Variants in SSR3 observed in about 807,000 individuals in gnomAD.
The protein encoded by SSR3 is translocon-associated protein subunit gamma.
A neutral mutation model predicts 22.1 loss-of-function variants in SSR3; 10 were observed. The ratio of observed to expected loss-of-function variants is 0.45; its 90% CI spans 0.28 to 0.77. The LOEUF is 0.77. Among genes scored for constraint, SSR3 ranks in the 30% least tolerant of loss-of-function variants. SSR3 has a pLI of 0.13. For missense variants in SSR3, 181 were observed against 220.5 expected (o/e 0.82, Z 1.13); for synonymous variants, 104 against 82.5 (o/e 1.26, Z -1.42).
In SSR3 at chr3:156,539,609, A is replaced by G. The variant is rs1464101863; in HGVS notation, c.*3594T>C. ...GAAGGCCAACGAGAAGTTAGCCTCT[A>G]TCGCCCTGAAAATTTAAACCAACCC... On this transcript the variant is annotated 3_prime_UTR_variant, in exon 5 of 5. Transcript: ENST00000265044. 1.3e-5 allele frequency among the ~76,000 whole-genome samples: 2 copies of G among 152,110 alleles called. No homozygotes were observed. Among genetic ancestry groups the G allele is most frequent in the African/African-American group, 4.8e-5 (2 of 41,364 alleles).
chr3:156,555,071 A>T lies in SSR3; in HGVS notation c.19T>A (p.Ser7Thr). ...AGGTCCTCCTCAGACTGCTGTTTGGAGCTGCCTTTAGGAGCCATGGCGGAG... is the reference window on the plus strand; with the variant it reads ...AGGTCCTCCTCAGACTGCTGTTTGGTGCTGCCTTTAGGAGCCATGGCGGAG... MAPKGS[S>T]KQQSEEDLLL... Residue 7 changes from serine (S) to threonine (T), a missense_variant, in exon 1 of 5, where the codon TCC (serine) becomes ACC (threonine). Ser to Thr is a moderately conservative substitution (Grantham distance 58). Coordinates refer to ENST00000265044, the MANE Select transcript of SSR3 (RefSeq NM_007107.5). The T allele has an allele frequency of 6.2e-7, 1 of 1,613,806 alleles. No homozygotes were observed.
At chr3:156,548,353 T>G (rs1719833019) in intron 3 of SSR3, among the ~76,000 whole-genome samples, 1 of 152,156 alleles carries the variant, frequency 6.6e-6, no homozygotes, top group Non-Finnish European at 1.5e-5. Flanking sequence ...TACAGATAAC[T>G]AATTATGGGA....
At position 156,545,939 on chromosome 3, in the gene SSR3, G is replaced by A. The variant is rs370509433; in HGVS notation, c.360-1500C>T. 1.2e-4 allele frequency among the ~76,000 whole-genome samples: 18 copies of A among 152,224 alleles called. No homozygotes were observed. The East Asian group carries it at 2.7e-3, about 23-fold the overall frequency. On this transcript the variant is annotated intron_variant, in intron 3 of 4. Transcript: ENST00000265044. Reference sequence around the variant, plus strand: ...CAACTGCCTCCATTTTTAAGACTCCGGCATGAGACCCAGTGAAGTCAGGTT... The same window carrying A: ...CAACTGCCTCCATTTTTAAGACTCCAGCATGAGACCCAGTGAAGTCAGGTT...
rs1719855663 is a variant in SSR3 at position 156,548,963 on chromosome 3, TC to T, written c.300del (p.Thr101LeufsTer57). On this transcript the variant is annotated frameshift_variant, in exon 3 of 5. Coordinates refer to ENST00000265044, the MANE Select transcript of SSR3 (RefSeq NM_007107.5). LOFTEE classifies it high-confidence loss of function. ...TTATCAGCTTCAGAAAGTTTTCGAGTCACTTCTTTGGAAACAGCATCCTCCC... is the reference window on the plus strand; with the variant it reads ...TTATCAGCTTCAGAAAGTTTTCGAGTACTTCTTTGGAAACAGCATCCTCCC... The part of the protein sequence containing the change: ...QKREDAVSKE[V>X]TRKLSEADNR... 1.2e-6 allele frequency: 2 copies of T among 1,613,250 alleles called. No individual in the cohort carries two copies. Among genetic ancestry groups the T allele is most frequent in the Non-Finnish European group, 1.7e-6 (2 of 1,179,866 alleles).
chr3:156,547,311 C>T (rs1719801626), intron 3 of SSR3, among the ~76,000 whole-genome samples: 1 of 152,134 alleles, frequency 6.6e-6, no homozygotes, highest in Non-Finnish European at 1.5e-5. Flanking sequence ...CGAGACATAA[C>T]CCAGGATCAA....
chr3:156,544,404 T>A lies in SSR3; in HGVS notation c.395A>T (p.Glu132Val). 6.3e-7 allele frequency: 1 copy of A among 1,591,426 alleles called. No individual in the cohort carries two copies. The highest frequency in any genetic ancestry group is 1.3e-5 in the African/African-American group (1 of 74,232). Residue 132 changes from glutamate to valine, a missense_variant, in exon 4 of 5, where the codon GAA (glutamate) becomes GTA (valine). By Grantham distance (121) the Glu-to-Val change is moderately radical. Coordinates refer to ENST00000265044, the MANE Select transcript of SSR3 (RefSeq NM_007107.5). ...LWKKNEVADY[E>V]ATTFSIFYNN... is the part of the protein sequence containing the mutation. ...ATAGAAGATGGAAAATGTTGTAGCT[T>A]CATAATCAGCAACTTCATTCTTCTT...
intron 3 of SSR3, among the ~76,000 whole-genome samples, chr3:156,545,624 C>A (rs900680473): frequency 1.3e-5 from 2 of 152,196 alleles, no homozygotes; most frequent in Non-Finnish European, 2.9e-5. Context: ...ACATCTTATG[C>A]TCATCTTAAG....
At chr3:156,551,133 T>C (rs2108449521) in intron 2 of SSR3, among the ~76,000 whole-genome samples, 1 of 151,842 alleles carries the variant, frequency 6.6e-6, no homozygotes, top group East Asian at 1.9e-4. Flanking sequence ...AAGCCAAAAC[T>C]ATGACTTAAA....
chr3:156,548,659 A>G, intron 3 of SSR3: 1 of 494,256 alleles, frequency 2.0e-6, no homozygotes, highest in Non-Finnish European at 3.5e-6. Flanking sequence ...AAAAGGAGAT[A>G]AAAATAGTAC....
At chr3:156,549,717 T>C (rs10936028) in intron 2 of SSR3, among the ~76,000 whole-genome samples, 22 of 152,292 alleles carry the variant, frequency 1.4e-4, no homozygotes, top group African/African-American at 5.3e-4. Context: ...GTTTAGTCAG[T>C]TTCAAATAAT....
chr3:156,549,545 G>C (rs1443747907), intron 2 of SSR3, among the ~76,000 whole-genome samples: 3 of 152,180 alleles, frequency 2.0e-5, no homozygotes, highest in African/African-American at 7.2e-5. Flanking sequence ...GGTCATTCAA[G>C]GCAGGAGTTT....
chr3:156,544,294 C>T lies in SSR3; in HGVS notation c.491+14G>A. 6.6e-7 allele frequency: 1 copy of T among 1,517,266 alleles called. No individual in the cohort carries two copies. The highest frequency in any genetic ancestry group is 8.8e-7 in the Non-Finnish European group (1 of 1,133,412). The allele number at this position is 1,517,266 out of a possible 1,614,324, so 94.0% of individuals were successfully genotyped here. ...TTGACTTCTAAAAAAGATAATCAAC[C>T]TTGAAAAGGATACACTGTGGGGTTG... On this transcript the variant is annotated intron_variant, in intron 4 of 4. Coordinates refer to ENST00000265044, the MANE Select transcript of SSR3 (RefSeq NM_007107.5).
In SSR3 at chr3:156,542,230, T is replaced by G. The variant is rs1418162756; in HGVS notation, c.*973A>C. Reference sequence around the variant, plus strand: ...CCAAGGGCTAAAGAGATAAATATCTTGCTCACAATCAATGGGAACCTGTGA... The same window carrying G: ...CCAAGGGCTAAAGAGATAAATATCTGGCTCACAATCAATGGGAACCTGTGA... On this transcript the variant is annotated 3_prime_UTR_variant, in exon 5 of 5. Coordinates refer to ENST00000265044, the MANE Select transcript of SSR3 (RefSeq NM_007107.5). 6.6e-6 allele frequency: 1 copy of G among 152,244 alleles called. No individual in the cohort carries two copies. 9.4% of individuals were successfully genotyped at this position (152,244 alleles called of 1,614,324 possible). A position where few individuals can be genotyped will look rare whatever the true frequency, so the allele number is the denominator to read the frequency against.
chr3:156,549,257 T>C (rs146575251), intron 2 of SSR3, among the ~76,000 whole-genome samples: 2 of 152,310 alleles, frequency 1.3e-5, no homozygotes, highest in East Asian at 3.9e-4. Flanking sequence ...TTTTCCACAG[T>C]TTAGGAATTA....
intron 4 of SSR3, among the ~76,000 whole-genome samples, chr3:156,543,759 A>C (rs1309174176): frequency 6.6e-6 from 1 of 152,242 alleles, no homozygotes; most frequent in African/African-American, 2.4e-5. Flanking sequence ...CAGAAGGTAC[A>C]CGTTGGAGGG....
rs200698843 is a variant in SSR3, at chr3:156,555,104, C to A, written c.-15G>T. 3.4e-5 allele frequency: 55 copies of A among 1,611,962 alleles called. No individual in the cohort carries two copies. The highest frequency in any genetic ancestry group is 1.3e-4 in the African/African-American group (10 of 74,920). The stretch of plus-strand genomic sequence containing the variant: ...TTAGGAGCCATGGCGGAGCTGCAGG[C>A]GAGAACAGGGAACGTAGAGCCGGCC... On this transcript the variant is annotated 5_prime_UTR_variant, in exon 1 of 5. Coordinates refer to ENST00000265044, the MANE Select transcript of SSR3 (RefSeq NM_007107.5).
At chr3:156,553,344 C>T (rs1253638983) in intron 2 of SSR3, among the ~76,000 whole-genome samples, 1 of 151,990 alleles carries the variant, frequency 6.6e-6, no homozygotes, top group African/African-American at 2.4e-5. Flanking sequence ...TAAGGAATTA[C>T]ATTTAGCTTC....
chr3:156,542,991 C>A lies in SSR3; in HGVS notation c.*212G>T. 2.1e-6 allele frequency: 1 copy of A among 479,016 alleles called. No individual in the cohort carries two copies. Among genetic ancestry groups the A allele is most frequent in the Non-Finnish European group, 3.7e-6 (1 of 269,032 alleles). The allele number at this position is 479,016 out of a possible 1,614,324, so 29.7% of individuals were successfully genotyped here. A position where few individuals can be genotyped will look rare whatever the true frequency, so the allele number is the denominator to read the frequency against. On this transcript the variant is annotated 3_prime_UTR_variant, in exon 5 of 5. Coordinates refer to ENST00000265044, the MANE Select transcript of SSR3 (RefSeq NM_007107.5). ...CATTTTTTTCCTTTTAATAAACGTC[C>A]TAGTACTCTGAGTTTCCCTTTCAAT...
intron 2 of SSR3, among the ~76,000 whole-genome samples, chr3:156,549,577 A>T (rs1274287700): frequency 1.3e-5 from 2 of 152,100 alleles, no homozygotes; most frequent in African/African-American, 2.4e-5. Flanking sequence ...CTTCAACTAC[A>T]AGGGTGTCTG....
Sources: allele counts gnomAD v4.1 joint callset (sites outside exome capture counted in the v4.1 genomes callset), GRCh38; gene constraint gnomAD v4.1.1; transcripts MANE v1.5; gene names NCBI Gene and HGNC (gene_info 2026-07-23, HGNC 2026-07-21).